Variants in INCA1 observed in about 807,000 individuals in gnomAD.
INCA1 encodes the protein protein INCA1.
INCA1 carries 28 observed loss-of-function variants against 25.7 expected under a neutral mutation model. The ratio of observed to expected loss-of-function variants is 1.09; its 90% CI spans 0.81 to 1.49. INCA1 has a LOEUF of 1.49. INCA1 is among the 40% of genes most tolerant of loss of function. The probability of loss-of-function intolerance (pLI) is 0.00; values close to 1 mark genes in which losing one functional copy is unlikely to be tolerated. For synonymous variants in INCA1, 111 were observed against 103.6 expected, an observed-to-expected ratio of 1.07 and a Z score of -0.43; for missense variants, 309 against 290.9, an observed-to-expected ratio of 1.06 and a Z score of -0.45.
chr17:4,993,969 G>GT (rs1026522603), intron 2 of INCA1, among the ~76,000 whole-genome samples: 17 of 148,916 alleles, frequency 1.1e-4, no homozygotes, highest in African/African-American at 4.2e-4. Context: ...ATGGGGTTTT[G>GT]TCATGTTGGC....
intron 1 of INCA1, among the ~76,000 whole-genome samples, chr17:4,995,333 C>A (rs749208984): frequency 6.6e-6 from 1 of 152,010 alleles, no homozygotes; most frequent in Non-Finnish European, 1.5e-5. Flanking sequence ...GCTAAATGTG[C>A]AGAATAAGTG....
exon 6 of INCA1, chr17:4,988,934 C>T: frequency 1.2e-6 from 2 of 1,613,720 alleles, no homozygotes; most frequent in Non-Finnish European, 1.7e-6. Flanking sequence ...CCCCACTGGG[C>T]CTTCTTCAGT....
intron 2 of INCA1, among the ~76,000 whole-genome samples, chr17:4,993,660 G>A (rs896298311): frequency 4.6e-5 from 7 of 151,622 alleles, no homozygotes; most frequent in Admixed American, 1.3e-4. Context: ...TAGTAGACAC[G>A]AGTTTCACTT....
At chr17:4,990,289 C>G in intron 2 of INCA1, 24 bp from the exon 3 acceptor site, 1 of 1,602,164 alleles carries the variant, frequency 6.2e-7, no homozygotes, top group Non-Finnish European at 8.5e-7. Flanking sequence ...AAGGTAGGCT[C>G]GGGTCTGGCT....
chr17:4,988,308 G>A, exon 7 of INCA1: 5 of 1,361,324 alleles, frequency 3.7e-6, no homozygotes, highest in Non-Finnish European at 5.0e-6. Context: ...GAAGGAAGGG[G>A]AAACGCCTTC....
At chr17:4,988,577 A>C (rs765506874) in intron 6 of INCA1, 23 bp from the exon 7 acceptor site, 1 of 1,607,502 alleles carries the variant, frequency 6.2e-7, no homozygotes, top group Non-Finnish European at 8.5e-7. Flanking sequence ...GAGAAATTGA[A>C]AAAGAAAATG....
At chr17:4,992,180 GTGTT>G (rs922374194) in intron 2 of INCA1, among the ~76,000 whole-genome samples, 22 of 152,206 alleles carry the variant, frequency 1.4e-4, no homozygotes, top group African/African-American at 4.3e-4. Context: ...TTTCTCTACT[GTGTT>G]TGTTTGAAAT....
chr17:4,996,732 G>A (rs1477639058), intron 1 of INCA1: 1 of 148,196 alleles, frequency 6.7e-6, no homozygotes, highest in African/African-American at 2.5e-5. Context: ...ATAGGCTCCC[G>A]AAGGACAGAA....
At chr17:4,992,242 C>G (rs1293900865) in intron 2 of INCA1, among the ~76,000 whole-genome samples, 1 of 152,152 alleles carries the variant, frequency 6.6e-6, no homozygotes, top group East Asian at 1.9e-4. Context: ...TCATGTCACT[C>G]TCTGCCTTAA....
chr17:4,994,497 A>T lies in INCA1; in HGVS notation c.-38-22T>A, dbSNP rs569404800. On this transcript the variant is annotated intron_variant, in intron 1 of 6. Coordinates refer to ENST00000576820, the Ensembl canonical transcript of INCA1. ...GGTGCTGGGAGGATAATGGAAAAGA[A>T]GTCATTCATTCGGGCTGGATGTGGT... The T allele has an allele frequency of 1.1e-4, 170 of 1,586,114 alleles. 1 individual carries two copies. The South Asian group carries it at 1.8e-3, about 17-fold the overall frequency.
At chr17:4,994,402 G>A (rs952542670) in exon 2 of INCA1, 2 of 1,613,772 alleles carry the variant, frequency 1.2e-6, no homozygotes, top group Non-Finnish European at 8.5e-7. Flanking sequence ...ACTTGGCAAA[G>A]GGGATGAGGT....
At chr17:4,992,985 T>G (rs1363594952) in intron 2 of INCA1, among the ~76,000 whole-genome samples, 1 of 152,080 alleles carries the variant, frequency 6.6e-6, no homozygotes, top group Non-Finnish European at 1.5e-5. Context: ...GTTCAAGTGA[T>G]TCTCCTGCCT....
intron 2 of INCA1, among the ~76,000 whole-genome samples, chr17:4,992,387 A>G (rs1027420240): frequency 7.9e-5 from 12 of 151,844 alleles, no homozygotes; most frequent in Admixed American, 6.6e-5. Flanking sequence ...GGCTCAAGCA[A>G]TCCTCCTGCC....
intron 2 of INCA1, among the ~76,000 whole-genome samples, chr17:4,992,884 GTT>G (rs1047661009): frequency 6.6e-6 from 1 of 151,324 alleles, no homozygotes; most frequent in Non-Finnish European, 1.5e-5. Flanking sequence ...ATAGTGTTTT[GTT>G]TTTGTTTTTT....
chr17:4,991,383 C>T (rs1247254184), intron 2 of INCA1, among the ~76,000 whole-genome samples: 1 of 152,192 alleles, frequency 6.6e-6, no homozygotes, highest in Non-Finnish European at 1.5e-5. Context: ...GGTTATATGA[C>T]AGATAGGATT....
exon 7 of INCA1, chr17:4,988,370 G>A (rs778167459): frequency 6.4e-7 from 1 of 1,561,206 alleles, no homozygotes; most frequent in Non-Finnish European, 8.7e-7. Flanking sequence ...GGGTCCCTGG[G>A]GCACCACTAG....
At chr17:4,990,157 C>T in exon 3 of INCA1, 2 of 1,614,138 alleles carry the variant, frequency 1.2e-6, no homozygotes, top group Non-Finnish European at 1.7e-6. Context: ...CTCACGTGGG[C>T]CTTTGATTAA....
At chr17:4,988,315 C>G (rs1216856050) in exon 7 of INCA1, 46 of 1,412,122 alleles carry the variant, frequency 3.3e-5, no homozygotes, top group Non-Finnish European at 4.1e-5. Context: ...GGGGAAACGC[C>G]TTCATGTCAG....
chr17:4,989,191 T>C (rs921967436), intron 5 of INCA1, among the ~76,000 whole-genome samples: 18 of 152,234 alleles, frequency 1.2e-4, no homozygotes, highest in African/African-American at 4.3e-4. Context: ...TTCAGTGATC[T>C]AGTTTCCACT....
Sources: allele counts gnomAD v4.1 joint callset (sites outside exome capture counted in the v4.1 genomes callset), GRCh38; gene constraint gnomAD v4.1.1; transcripts MANE v1.5; gene names NCBI Gene and HGNC (gene_info 2026-07-23, HGNC 2026-07-21).